Variants in YWHAB observed in about 807,000 individuals in gnomAD.
YWHAB encodes tyrosine 3-monooxygenase/tryptophan 5-monooxygenase activation protein beta, also known as 14-3-3 protein beta/alpha.
A neutral mutation model predicts 28.5 loss-of-function variants in YWHAB; 2 were observed. That is an observed-to-expected ratio of 0.07 (90% CI 0.03 to 0.22). YWHAB has a LOEUF of 0.22. YWHAB is among the 10% of genes least tolerant of loss of function. The probability of loss-of-function intolerance (pLI) is 1.00; values close to 1 mark genes in which losing one functional copy is unlikely to be tolerated. For synonymous variants in YWHAB, 103 were observed against 104.7 expected (o/e 0.98, Z 0.10); for missense variants, 148 against 297.1 (o/e 0.50, Z 3.69).
At position 44,908,156 on chromosome 20, in the gene YWHAB, C is replaced by G. The variant is rs1478338535; in HGVS notation, c.*1718C>G. ...ATTTATGCACTGATTTAAAACAAAC[C>G]AAAAAAAAAGAAAAAAACAAAAAAA... is the stretch of plus-strand genomic sequence containing the variant. On this transcript the variant is annotated 3_prime_UTR_variant, in exon 6 of 6. Coordinates refer to ENST00000353703, the MANE Select transcript of YWHAB (RefSeq NM_139323.4). 3 of 144,934 alleles carry G rather than the reference C, an allele frequency of 2.1e-5. No homozygotes were observed. The highest frequency in any genetic ancestry group is 6.9e-5 in the Admixed American group (1 of 14,436). 9.0% of individuals were successfully genotyped at this position (144,934 alleles called of 1,614,324 possible).
intron 1 of YWHAB, among the ~76,000 whole-genome samples, chr20:44,893,519 G>A (rs1469000232): frequency 6.6e-6 from 1 of 152,094 alleles, no homozygotes; most frequent in African/African-American, 2.4e-5. Context: ...ACCATTTGGT[G>A]TAACCTTTCT....
At chr20:44,903,816 A>T in intron 2 of YWHAB, 177 bp from the exon 3 acceptor site, 1 of 594,536 alleles carries the variant, frequency 1.7e-6, no homozygotes, top group Non-Finnish European at 2.8e-6. Flanking sequence ...ACAGAAGAAT[A>T]CAGGCATCTG....
chr20:44,900,168 C>T (rs2066618467), intron 1 of YWHAB, among the ~76,000 whole-genome samples: 1 of 152,132 alleles, frequency 6.6e-6, no homozygotes, highest in African/African-American at 2.4e-5. Context: ...CCACCTCAGC[C>T]TCCTGAGTAG....
rs917979883 is a variant in YWHAB, at chr20:44,885,737, T to G, written c.-153T>G. 5.7e-6 allele frequency: 1 copy of G among 176,496 alleles called. No homozygotes were observed. The highest frequency in any genetic ancestry group is 2.5e-5 in the African/African-American group (1 of 39,874). The allele number at this position is 176,496 out of a possible 1,614,324, so 10.9% of individuals were successfully genotyped here. A position where few individuals can be genotyped will look rare whatever the true frequency, so the allele number is the denominator to read the frequency against. On this transcript the variant is annotated 5_prime_UTR_variant, in exon 1 of 6. Coordinates refer to ENST00000353703, the MANE Select transcript of YWHAB (RefSeq NM_139323.4). ...GAGCTACCGCCACCGCCGCCGCCGATTCCGGAGCCGGGGTAGTCGCCGCCG... is the reference window on the plus strand; with the variant it reads ...GAGCTACCGCCACCGCCGCCGCCGAGTCCGGAGCCGGGGTAGTCGCCGCCG...
chr20:44,898,166 G>T (rs1176586126), intron 1 of YWHAB, among the ~76,000 whole-genome samples: 2 of 152,186 alleles, frequency 1.3e-5, no homozygotes, highest in Non-Finnish European at 2.9e-5. Flanking sequence ...GTTTCTTGAG[G>T]ATTACTCTCT....
intron 4 of YWHAB, 101 bp from the exon 5 acceptor site, chr20:44,905,900 C>T (rs989491681): frequency 1.2e-6 from 1 of 828,568 alleles, no homozygotes; most frequent in Non-Finnish European, 2.0e-6. Flanking sequence ...CCCCAAAGTA[C>T]TGTACAAGAA....
At chr20:44,890,473 G>C (rs913599772) in intron 1 of YWHAB, among the ~76,000 whole-genome samples, 10 of 145,358 alleles carry the variant, frequency 6.9e-5, no homozygotes, top group African/African-American at 2.5e-4. Context: ...CACATTGGGT[G>C]TCCAAAGATA....
chr20:44,895,710 C>G lies in YWHAB; in HGVS notation c.-3-5821C>G, dbSNP rs549882956. Among the ~76,000 whole-genome samples the G allele has an allele frequency of 1.2e-3, 187 of 152,316 alleles. 1 individual carries two copies. Among genetic ancestry groups the G allele is most frequent in the African/African-American group, 3.0e-3 (126 of 41,574 alleles). ...CTTGAACTCCTGGTCTCAAGCGATGCTCCAGCTTTGGCCTCCAAAAGCACT... is the reference window on the plus strand; with the variant it reads ...CTTGAACTCCTGGTCTCAAGCGATGGTCCAGCTTTGGCCTCCAAAAGCACT... On this transcript the variant is annotated intron_variant, in intron 1 of 5. Coordinates refer to ENST00000353703, the MANE Select transcript of YWHAB (RefSeq NM_139323.4).
chr20:44,902,076 T>C (rs2066630525), intron 2 of YWHAB: 1 of 397,342 alleles, frequency 2.5e-6, no homozygotes, highest in Non-Finnish European at 4.4e-6. Flanking sequence ...TGAAAAACAG[T>C]GACATTTTTT....
chr20:44,895,270 A>G (rs1189365076), intron 1 of YWHAB, among the ~76,000 whole-genome samples: 1 of 152,176 alleles, frequency 6.6e-6, no homozygotes, highest in Non-Finnish European at 1.5e-5. Context: ...CATTGTGTTT[A>G]TAGGGCATGT....
intron 1 of YWHAB, among the ~76,000 whole-genome samples, chr20:44,896,941 T>C (rs1196534366): frequency 6.6e-6 from 1 of 152,236 alleles, no homozygotes; most frequent in Non-Finnish European, 1.5e-5. Context: ...ATTAAAAATA[T>C]TTGAAACAGA....
At position 44,906,449 on chromosome 20, in the gene YWHAB, G is replaced by C; in HGVS notation, c.*11G>C. On this transcript the variant is annotated 3_prime_UTR_variant, in exon 6 of 6. Coordinates refer to ENST00000353703, the MANE Select transcript of YWHAB (RefSeq NM_139323.4). ...GAGGGAGAGAACTAATGTTTCTCGT[G>C]CTTTGTGATCTGTTCAGTGTCACTC... is the stretch of plus-strand genomic sequence containing the variant. The C allele has an allele frequency of 1.3e-6, 2 of 1,599,464 alleles. No homozygotes were observed. Among genetic ancestry groups the C allele is most frequent in the Non-Finnish European group, 1.7e-6 (2 of 1,174,064 alleles).
intron 1 of YWHAB, among the ~76,000 whole-genome samples, chr20:44,892,971 G>A (rs987651462): frequency 6.6e-6 from 1 of 152,088 alleles, no homozygotes; most frequent in Middle Eastern, 3.2e-3. Flanking sequence ...AATCGAGCAT[G>A]TTCTTTGCCT....
intron 1 of YWHAB, among the ~76,000 whole-genome samples, chr20:44,895,404 A>G (rs2066589911): frequency 1.3e-5 from 2 of 152,250 alleles, no homozygotes; most frequent in South Asian, 4.1e-4. Context: ...TTGATGGAGT[A>G]GCCAAAAGGG....
intron 1 of YWHAB, among the ~76,000 whole-genome samples, chr20:44,889,458 T>G (rs2066547513): frequency 1.4e-5 from 2 of 140,238 alleles, no homozygotes; most frequent in South Asian, 4.4e-4. Context: ...TGTAGGTTAG[T>G]TAACTTTTTT....
chr20:44,901,163 T>C (rs146120357), intron 1 of YWHAB, among the ~76,000 whole-genome samples: 1 of 152,318 alleles, frequency 6.6e-6, no homozygotes, highest in East Asian at 1.9e-4. Flanking sequence ...ACAAAAGCTC[T>C]AGAGCCAGAT....
chr20:44,889,088 A>G (rs1324687352), intron 1 of YWHAB, among the ~76,000 whole-genome samples: 1 of 152,204 alleles, frequency 6.6e-6, no homozygotes, highest in Non-Finnish European at 1.5e-5. Flanking sequence ...CCTTGTTTCT[A>G]CATTTTTCTA....
At chr20:44,897,388 G>T (rs1165423010) in intron 1 of YWHAB, among the ~76,000 whole-genome samples, 5 of 152,124 alleles carry the variant, frequency 3.3e-5, no homozygotes, top group Admixed American at 2.6e-4. Flanking sequence ...CTTTGAAGTG[G>T]GCCTCTAAGT....
intron 4 of YWHAB, 42 bp downstream of exon 4, chr20:44,905,173 T>A: frequency 3.2e-6 from 5 of 1,548,614 alleles, no homozygotes; most frequent in Non-Finnish European, 4.3e-6. Context: ...AGCAAAACAG[T>A]GCTTGTGTTA....
Sources: allele counts gnomAD v4.1 joint callset (sites outside exome capture counted in the v4.1 genomes callset), GRCh38; gene constraint gnomAD v4.1.1; transcripts MANE v1.5; gene names NCBI Gene and HGNC (gene_info 2026-07-23, HGNC 2026-07-21).